Variants in NFIC observed in about 807,000 individuals in gnomAD.
NFIC encodes nuclear factor I C.
Under a neutral mutation model 54.4 loss-of-function variants are expected in NFIC, and 12 were observed. The ratio of observed to expected loss-of-function variants is 0.22; its 90% CI spans 0.14 to 0.36. The LOEUF (loss-of-function observed/expected upper bound fraction) is 0.36, where lower values mean the gene tolerates loss of function less well. Among genes scored for constraint, NFIC ranks in the 10% least tolerant of loss-of-function variants. NFIC has a pLI of 1.00. For missense variants in NFIC, 575 were observed against 718.2 expected (o/e 0.80, Z 2.28); for synonymous variants, 322 against 319.2 (o/e 1.01, Z -0.09).
intron 10 of NFIC, among the ~76,000 whole-genome samples, chr19:3,462,044 C>T (rs952477957): frequency 4.1e-5 from 6 of 147,826 alleles, no homozygotes; most frequent in Non-Finnish European, 8.9e-5. Flanking sequence ...CAGAGCGAGA[C>T]TCTGTCTCAA....
intron 2 of NFIC, among the ~76,000 whole-genome samples, chr19:3,402,044 T>G (rs1371399596): frequency 1.4e-5 from 2 of 144,852 alleles, no homozygotes; most frequent in Non-Finnish European, 3.0e-5. Context: ...TTTTCTTTCT[T>G]ATTTTTTTTT....
intron 6 of NFIC, among the ~76,000 whole-genome samples, chr19:3,441,020 G>T (rs2145650399): frequency 6.6e-6 from 1 of 152,134 alleles, no homozygotes; most frequent in Admixed American, 6.5e-5. Flanking sequence ...TCCCTGTGTT[G>T]CCCAGGCTGG....
Position 3,441,058 on chromosome 19 carries a change from C to T in NFIC, c.958+5851C>T, listed in dbSNP as rs116035066. On this transcript the variant is annotated intron_variant, in intron 6 of 10. Coordinates refer to ENST00000443272, the MANE Select transcript of NFIC (RefSeq NM_001245002.2). ...TTAAACTCCTGGGCTCATCCTCCTG[C>T]CTCTGCTTCCCACAGTGTTGGGATG... Among the ~76,000 whole-genome samples the T allele has an allele frequency of 7.2e-3, 1,093 of 152,122 alleles. 14 individuals carry two copies. The highest frequency in any genetic ancestry group is 0.025 in the African/African-American group (1,031 of 41,526).
At chr19:3,395,083 G>A (rs929881136) in intron 2 of NFIC, among the ~76,000 whole-genome samples, 7 of 152,110 alleles carry the variant, frequency 4.6e-5, no homozygotes, top group African/African-American at 1.7e-4. Context: ...AGGAGGCTGG[G>A]CGCGGTGGCT....
chr19:3,386,661 G>C (rs1348586140), intron 2 of NFIC, among the ~76,000 whole-genome samples: 1 of 152,092 alleles, frequency 6.6e-6, no homozygotes, highest in Non-Finnish European at 1.5e-5. Context: ...CAGAGGCTCA[G>C]AGGAGGGATT....
chr19:3,463,367 G>T lies in NFIC; in HGVS notation c.*598G>T. On this transcript the variant is annotated 3_prime_UTR_variant, in exon 11 of 11. Transcript: ENST00000443272. ...GGGAGACACAGCGGACCCCGGCCGG[G>T]CAGCGGAGACCGCAGAGGCGGGCAG... 1.0e-6 allele frequency: 1 copy of T among 986,274 alleles called. No individual in the cohort carries two copies. The highest frequency in any genetic ancestry group is 1.2e-6 in the Non-Finnish European group (1 of 830,604). The allele number at this position is 986,274 out of a possible 1,614,324, so 61.1% of individuals were successfully genotyped here.
At chr19:3,451,152 C>T (rs138427515) in intron 7 of NFIC, among the ~76,000 whole-genome samples, 8 of 152,308 alleles carry the variant, frequency 5.3e-5, no homozygotes, top group East Asian at 1.9e-4. Context: ...GAGGCTCTGA[C>T]GCAGGCCACC....
rs529526989 is a variant in NFIC, at chr19:3,454,864, G to A, written c.1423+948G>A. ...GCGTTCCTGTCCCCGTCCCCACTGC[G>A]TGCCAGAACCCAGGCTGCCTGCCCA... On this transcript the variant is annotated intron_variant, in intron 9 of 10. Transcript: ENST00000443272. Among the ~76,000 whole-genome samples the A allele has an allele frequency of 8.5e-5, 13 of 152,110 alleles. No individual in the cohort carries two copies. The South Asian group carries it at 1.5e-3, about 17-fold the overall frequency.
chr19:3,381,802 T>C lies in NFIC; in HGVS notation c.121T>C (p.Tyr41His). 6.2e-7 allele frequency: 1 copy of C among 1,613,992 alleles called. No individual in the cohort carries two copies. Among genetic ancestry groups the C allele is most frequent in the Non-Finnish European group, 8.5e-7 (1 of 1,179,968 alleles). The change falls in exon 2 of 11, where the codon TAC (tyrosine) becomes CAC (histidine). Residue 41 changes from tyrosine to histidine, a missense_variant. Physicochemically the swap from Tyr to His is moderately conservative, Grantham distance 83 (BLOSUM62 2). Coordinates refer to ENST00000443272, the MANE Select transcript of NFIC (RefSeq NM_001245002.2). ...WFNLQARKRKYFKKHEKRMSK... is the reference protein window; with the variant it reads ...WFNLQARKRKHFKKHEKRMSK... ...CAACCTGCAGGCGCGGAAGCGCAAG[T>C]ACTTCAAGAAGCACGAGAAGCGGAT...
In NFIC at chr19:3,463,796, C is replaced by T. The variant is rs1412306380; in HGVS notation, c.*1027C>T. 7.1e-6 allele frequency: 7 copies of T among 985,228 alleles called. No homozygotes were observed. The highest frequency in any genetic ancestry group is 3.5e-5 in the African/African-American group (2 of 57,196). The allele number at this position is 985,228 out of a possible 1,614,324, so 61.0% of individuals were successfully genotyped here. The stretch of plus-strand genomic sequence containing the variant: ...TGGGGGTGCCCGTCTGGAGCGCCCC[C>T]GTCAGCCCCTGGCGGTGGGAGGTGA... On this transcript the variant is annotated 3_prime_UTR_variant, in exon 11 of 11. Coordinates refer to ENST00000443272, the MANE Select transcript of NFIC (RefSeq NM_001245002.2).
At chr19:3,392,663 T>C (rs140851882) in intron 2 of NFIC, among the ~76,000 whole-genome samples, 1 of 152,326 alleles carries the variant, frequency 6.6e-6, no homozygotes, top group Non-Finnish European at 1.5e-5. Context: ...ACCCTGGCCC[T>C]GTGCCTGGGA....
chr19:3,432,668 CTCTTT>C (rs937412338), intron 3 of NFIC, among the ~76,000 whole-genome samples: 2 of 137,468 alleles, frequency 1.5e-5, no homozygotes, highest in African/African-American at 5.8e-5. Context: ...CCGCTTTCCG[CTCTTT>C]TTTTTTTTTT....
At chr19:3,438,574 A>G (rs2082243313) in intron 6 of NFIC, among the ~76,000 whole-genome samples, 1 of 151,792 alleles carries the variant, frequency 6.6e-6, no homozygotes, top group Non-Finnish European at 1.5e-5. Context: ...AGTAGCTGGG[A>G]CTACAGGCAC....
intron 2 of NFIC, among the ~76,000 whole-genome samples, chr19:3,417,808 G>A (rs796401510): frequency 2.5e-5 from 2 of 81,094 alleles, no homozygotes; most frequent in Non-Finnish European, 5.5e-5. Context: ...TTTTTTTTTT[G>A]TATTTTTTTT....
intron 1 of NFIC, among the ~76,000 whole-genome samples, chr19:3,368,599 G>A (rs915634668): frequency 6.6e-6 from 1 of 152,152 alleles, no homozygotes; most frequent in Non-Finnish European, 1.5e-5. Context: ...AAGTGCAGGG[G>A]GCTCCCTCCT....
intron 10 of NFIC, 134 bp downstream of exon 10, chr19:3,456,769 C>A: frequency 1.1e-6 from 1 of 873,026 alleles, no homozygotes; most frequent in Non-Finnish European, 1.8e-6. Flanking sequence ...TCCCACACCC[C>A]ACCTGGGCCT....
In NFIC at chr19:3,372,756, C is replaced by T. The variant is rs542255725; in HGVS notation, c.30+6090C>T. On this transcript the variant is annotated intron_variant, in intron 1 of 10. Coordinates refer to ENST00000443272, the MANE Select transcript of NFIC (RefSeq NM_001245002.2). ...CCAGGGACCAGTCCCAGCTCAGTTCCTCCCTGACTGTGTGACTTTGGTGGA... is the reference window on the plus strand; with the variant it reads ...CCAGGGACCAGTCCCAGCTCAGTTCTTCCCTGACTGTGTGACTTTGGTGGA... 2.6e-5 allele frequency among the ~76,000 whole-genome samples: 4 copies of T among 151,308 alleles called. No homozygotes were observed. The South Asian group carries it at 8.4e-4, about 32-fold the overall frequency.
rs566623409 is a variant in NFIC at position 3,467,788 on chromosome 19, T to TATATATATATATATATATATATATATAA, written c.*5020_*5021insTATATATATATATATATATATATATAAA. On this transcript the variant is annotated 3_prime_UTR_variant, in exon 11 of 11. Transcript: ENST00000443272. ...ATATATATATATATATATATATATATAATTTTGGAATTTGTTTCTCATAAT... is the reference window on the plus strand; with the variant it reads ...ATATATATATATATATATATATATATATATATATATATATATATATATATATAAAATTTTGGAATTTGTTTCTCATAAT... 1 of 136,796 alleles carries TATATATATATATATATATATATATATAA rather than the reference T, an allele frequency of 7.3e-6. No homozygotes were observed. Among genetic ancestry groups the TATATATATATATATATATATATATATAA allele is most frequent in the African/African-American group, 2.8e-5 (1 of 35,416 alleles). 8.5% of individuals were successfully genotyped at this position (136,796 alleles called of 1,614,324 possible).
chr19:3,466,190 G>T lies in NFIC; in HGVS notation c.*3421G>T, dbSNP rs1469762926. 1 of 151,750 alleles carries T rather than the reference G, an allele frequency of 6.6e-6. No individual in the cohort carries two copies. The highest frequency in any genetic ancestry group is 2.4e-5 in the African/African-American group (1 of 41,266). The allele number at this position is 151,750 out of a possible 1,614,324, so 9.4% of individuals were successfully genotyped here. ...CTGTGGTCCGGTGGCTGAGCATGCT[G>T]TTGTCTTGTCCTTGATTTTATTTTC... On this transcript the variant is annotated 3_prime_UTR_variant, in exon 11 of 11. Transcript: ENST00000443272. The surrounding 1 kb of genome is among the most constrained non-coding windows in gnomAD (Gnocchi z 4.8).
Sources: allele counts gnomAD v4.1 joint callset (sites outside exome capture counted in the v4.1 genomes callset), GRCh38; gene constraint gnomAD v4.1.1; non-coding constraint Gnocchi (gnomAD v3.1); transcripts MANE v1.5; gene names NCBI Gene and HGNC (gene_info 2026-07-23, HGNC 2026-07-21).